The following GALNTL6 variants were observed in gnomAD, a reference collection of about 807,000 sequenced individuals.
GALNTL6 encodes the protein polypeptide N-acetylgalactosaminyltransferase like 6.
In GALNTL6, 46 loss-of-function variants were observed where a neutral mutation model predicts 73.7. That is an observed-to-expected ratio of 0.62 (90% confidence interval 0.49 to 0.80). The LOEUF (loss-of-function observed/expected upper bound fraction) is 0.80, where lower values mean the gene tolerates loss of function less well. GALNTL6 is among the 30% of genes least tolerant of loss of function. GALNTL6 has a pLI of 0.00. For missense variants in GALNTL6, 604 were observed against 755.0 expected (o/e 0.80, Z 2.34); for synonymous variants, 259 against 263.7 (o/e 0.98, Z 0.17).
At chr4:172,393,885 TG>T (rs1303758077) in intron 5 of GALNTL6, among the ~76,000 whole-genome samples, 2 of 152,338 alleles carry the variant, frequency 1.3e-5, no homozygotes, top group East Asian at 3.9e-4. Context: ...GTTCAATTTT[TG>T]CCAGAATTTT....
At chr4:172,913,114 G>A (rs1328715114) in intron 8 of GALNTL6, among the ~76,000 whole-genome samples, 1 of 152,180 alleles carries the variant, frequency 6.6e-6, no homozygotes, top group Non-Finnish European at 1.5e-5. Context: ...GGTCTGGAGT[G>A]GACCTCCAGC....
chr4:172,212,898 C>T (rs575875024), intron 2 of GALNTL6, among the ~76,000 whole-genome samples: 4 of 152,096 alleles, frequency 2.6e-5, no homozygotes, highest in South Asian at 2.1e-4. Flanking sequence ...CTCGAACTCC[C>T]GACCTCAAGT....
intron 2 of GALNTL6, among the ~76,000 whole-genome samples, chr4:172,115,071 A>C (rs947993720): frequency 1.3e-5 from 2 of 152,102 alleles, no homozygotes; most frequent in African/African-American, 2.4e-5. Context: ...ATTGTGAACT[A>C]TTCTTAAGAG....
chr4:172,705,228 T>C (rs889028458), intron 5 of GALNTL6, among the ~76,000 whole-genome samples: 16 of 151,540 alleles, frequency 1.1e-4, no homozygotes, highest in African/African-American at 3.6e-4. Flanking sequence ...TTTTTTGTTT[T>C]ATGGTTGTTT....
chr4:171,828,472 TG>T (rs556596967), intron 2 of GALNTL6, among the ~76,000 whole-genome samples: 240 of 152,314 alleles, frequency 1.6e-3, no homozygotes, highest in Non-Finnish European at 2.5e-3. Context: ...AAAGTAGAGT[TG>T]TTTGATACGT....
chr4:172,518,971 A>G (rs1031672148), intron 5 of GALNTL6, among the ~76,000 whole-genome samples: 1 of 151,824 alleles, frequency 6.6e-6, no homozygotes, highest in Admixed American at 6.6e-5. Flanking sequence ...AGCATTTACA[A>G]TGCATGGAGA....
At chr4:173,027,410 T>G (rs1002745742) in intron 12 of GALNTL6, among the ~76,000 whole-genome samples, 1 of 152,334 alleles carries the variant, frequency 6.6e-6, no homozygotes, top group Non-Finnish European at 1.5e-5. Flanking sequence ...TAAAAGACCA[T>G]TTTTTCCCAC....
chr4:172,513,990 G>C (rs1289340353), intron 5 of GALNTL6, among the ~76,000 whole-genome samples: 1 of 152,144 alleles, frequency 6.6e-6, no homozygotes. Flanking sequence ...CCTTTGTGGG[G>C]CAGGGTTGTT....
rs527930297 is a variant in GALNTL6, at chr4:172,407,741, T to TAC, written c.553+59054_553+59055dup. On this transcript the variant is annotated intron_variant, in intron 5 of 12. Coordinates refer to ENST00000506823, the MANE Select transcript of GALNTL6 (RefSeq NM_001034845.3). ...TTTGACTTTACTTGAAGTAACCATATACATCATTAAAACACATACCGGTTT... is the reference window on the plus strand; with the variant it reads ...TTTGACTTTACTTGAAGTAACCATATACACATCATTAAAACACATACCGGTTT... 1.4e-4 allele frequency among the ~76,000 whole-genome samples: 22 copies of TAC among 152,180 alleles called. 1 individual carries two copies. The South Asian group carries it at 4.6e-3, about 32-fold the overall frequency.
chr4:172,895,230 TGTTACTTGTTTTCTA>T (rs1328514235), intron 8 of GALNTL6, among the ~76,000 whole-genome samples: 2 of 151,548 alleles, frequency 1.3e-5, no homozygotes, highest in African/African-American at 4.8e-5. Flanking sequence ...AGTATCATTT[TGTTACTTGTTTTCTA>T]GTTGCTTTGT....
At chr4:172,982,989 T>C (rs1316793165) in intron 10 of GALNTL6, among the ~76,000 whole-genome samples, 2 of 151,868 alleles carry the variant, frequency 1.3e-5, no homozygotes, top group South Asian at 2.1e-4. Flanking sequence ...GAAGGGTGAA[T>C]GGGTGGGAGG....
intron 2 of GALNTL6, among the ~76,000 whole-genome samples, chr4:171,905,731 A>G (rs1737255252): frequency 6.6e-6 from 1 of 151,196 alleles, no homozygotes; most frequent in South Asian, 2.1e-4. Flanking sequence ...AAAATTGACC[A>G]CATACTTGGA....
chr4:172,902,990 T>A (rs1746705765), intron 8 of GALNTL6, among the ~76,000 whole-genome samples: 1 of 152,214 alleles, frequency 6.6e-6, no homozygotes, highest in Non-Finnish European at 1.5e-5. Flanking sequence ...TTGTTTGGAA[T>A]ATATTTTATT....
intron 2 of GALNTL6, among the ~76,000 whole-genome samples, chr4:171,917,800 C>T (rs1329507277): frequency 2.0e-5 from 3 of 152,058 alleles, no homozygotes; most frequent in Non-Finnish European, 2.9e-5. Flanking sequence ...ACAACCAATA[C>T]AAGTGGAATT....
rs968300444 is a variant in GALNTL6 at position 172,968,078 on chromosome 4, A to T, written c.1371+15820A>T. On this transcript the variant is annotated intron_variant, in intron 10 of 12. Transcript: ENST00000506823. ...ACATTGAGGATAGCAAAAGAAAGAAACAAACAACATGGACATGATCTTACA... is the reference window on the plus strand; with the variant it reads ...ACATTGAGGATAGCAAAAGAAAGAATCAAACAACATGGACATGATCTTACA... 3.9e-5 allele frequency among the ~76,000 whole-genome samples: 6 copies of T among 152,348 alleles called. No homozygotes were observed. In the East Asian group the frequency reaches 1.2e-3, roughly 29 times the overall value.
chr4:172,206,918 G>C lies in GALNTL6; in HGVS notation c.139-22738G>C, dbSNP rs529149933. Among the ~76,000 whole-genome samples, 6 of 146,668 alleles carry C rather than the reference G, an allele frequency of 4.1e-5. No individual in the cohort carries two copies. The East Asian group carries it at 8.1e-4, about 20-fold the overall frequency. ...CTGCAAGCTCCGCCTCTCGGGTTCA[G>C]GCTATTCTCGTGCCTCAGCCTCCCG... On this transcript the variant is annotated intron_variant, in intron 2 of 12. Transcript: ENST00000506823.
intron 5 of GALNTL6, among the ~76,000 whole-genome samples, chr4:172,749,038 T>G (rs1315242948): frequency 6.6e-6 from 1 of 151,916 alleles, no homozygotes; most frequent in African/African-American, 2.4e-5. Context: ...GCCTCCCAAG[T>G]AGCTGGGACA....
chr4:172,350,702 A>G (rs1436751020), intron 5 of GALNTL6, among the ~76,000 whole-genome samples: 1 of 152,186 alleles, frequency 6.6e-6, no homozygotes, highest in Non-Finnish European at 1.5e-5. Context: ...AAATGCTTCT[A>G]TAATCTTTTA....
intron 5 of GALNTL6, among the ~76,000 whole-genome samples, chr4:172,583,048 T>G (rs1737254814): frequency 6.6e-6 from 1 of 152,108 alleles, no homozygotes; most frequent in Admixed American, 6.6e-5. Context: ...TCTTCTTCAC[T>G]GGGAAAAACA....
Sources: allele counts gnomAD v4.1 joint callset (sites outside exome capture counted in the v4.1 genomes callset), GRCh38; gene constraint gnomAD v4.1.1; transcripts MANE v1.5; gene names NCBI Gene and HGNC (gene_info 2026-07-23, HGNC 2026-07-21).